OR8G1: variants seen among roughly 807,000 people sequenced by gnomAD.
OR8G1 encodes the protein olfactory receptor 8G1.
For missense variants in OR8G1, 372 were observed against 356.2 expected (o/e 1.04, Z -0.36); for synonymous variants, 129 against 133.3 (o/e 0.97, Z 0.22).
At position 124,250,000 on chromosome 11, in the gene OR8G1, A is replaced by G. The variant is rs779371563; in HGVS notation, c.325A>G (p.Ile109Val). Reference sequence around the variant, plus strand: ...GCTCTACTTCTTCCTCGTTTTTGCTATTGCAGAGTGTCACATGTTGGCTGC... The same window carrying G: ...GCTCTACTTCTTCCTCGTTTTTGCTGTTGCAGAGTGTCACATGTTGGCTGC... ...TQLYFFLVFA[I>V]AECHMLAAMA... Residue 109 changes from isoleucine (I) to valine (V), a missense_variant, in exon 3 of 3, where the codon ATT (isoleucine) becomes GTT (valine). Coordinates refer to ENST00000641972, the MANE Select transcript of OR8G1 (RefSeq NM_001002905.2). The G allele has an allele frequency of 5.0e-6, 8 of 1,613,800 alleles. No homozygotes were observed. Among genetic ancestry groups the G allele is most frequent in the Admixed American group, 3.3e-5 (2 of 59,966 alleles).
rs1472822733 is a variant in OR8G1 at position 124,252,791 on chromosome 11, C to A, written c.*2180C>A. 6.6e-6 allele frequency: 1 copy of A among 152,184 alleles called. No individual in the cohort carries two copies. The highest frequency in any genetic ancestry group is 1.5e-5 in the Non-Finnish European group (1 of 68,036). The allele number at this position is 152,184 out of a possible 1,614,324, so 9.4% of individuals were successfully genotyped here. A position where few individuals can be genotyped will look rare whatever the true frequency, so the allele number is the denominator to read the frequency against. Reference sequence around the variant, plus strand: ...TTCCAGCAAGTGCTTTGCACTTTCACTCTGGAAACTTCTCCACAATTTCAG... The same window carrying A: ...TTCCAGCAAGTGCTTTGCACTTTCAATCTGGAAACTTCTCCACAATTTCAG... On this transcript the variant is annotated 3_prime_UTR_variant, in exon 3 of 3. Coordinates refer to ENST00000641972, the MANE Select transcript of OR8G1 (RefSeq NM_001002905.2).
In OR8G1 at chr11:124,249,656, G is replaced by A; in HGVS notation, c.-16-4G>A. On this transcript the variant is annotated splice_polypyrimidine_tract_variant and splice_region_variant and intron_variant, in intron 2 of 2. Coordinates refer to ENST00000641972, the MANE Select transcript of OR8G1 (RefSeq NM_001002905.2). ...TTTTTGTTTTGTTTTTTCTCTTCCT[G>A]CAGAAACTGACTGGAGGAGATGTCA... The A allele has an allele frequency of 6.2e-7, 1 of 1,600,862 alleles. No homozygotes were observed. The highest frequency in any genetic ancestry group is 1.3e-5 in the African/African-American group (1 of 74,296).
chr11:124,252,477 T>C lies in OR8G1; in HGVS notation c.*1866T>C, dbSNP rs1861874800. 1 of 152,172 alleles carries C rather than the reference T, an allele frequency of 6.6e-6. No individual in the cohort carries two copies. Among genetic ancestry groups the C allele is most frequent in the African/African-American group, 2.4e-5 (1 of 41,438 alleles). The allele number at this position is 152,172 out of a possible 1,614,324, so 9.4% of individuals were successfully genotyped here. On this transcript the variant is annotated 3_prime_UTR_variant, in exon 3 of 3. Coordinates refer to ENST00000641972, the MANE Select transcript of OR8G1 (RefSeq NM_001002905.2). ...TTACTTTTCCATATCATCCTTATGT[T>C]CTCTTTCAGAAAAACTATCTCTTTT...
At position 124,252,049 on chromosome 11, in the gene OR8G1, C is replaced by T. The variant is rs1021277768; in HGVS notation, c.*1438C>T. On this transcript the variant is annotated 3_prime_UTR_variant, in exon 3 of 3. Coordinates refer to ENST00000641972, the MANE Select transcript of OR8G1 (RefSeq NM_001002905.2). Reference sequence around the variant, plus strand: ...TATTTAATCACAGGCTCCTGGATATCGAAACTATAGTTTGTCCATCCTTTT... The same window carrying T: ...TATTTAATCACAGGCTCCTGGATATTGAAACTATAGTTTGTCCATCCTTTT... 4.6e-5 allele frequency: 7 copies of T among 152,058 alleles called. No individual in the cohort carries two copies. In the South Asian group the frequency reaches 8.3e-4, roughly 18 times the overall value. 9.4% of individuals were successfully genotyped at this position (152,058 alleles called of 1,614,324 possible).
At chr11:124,243,445 A>G (rs921397951) in intron 1 of OR8G1, among the ~76,000 whole-genome samples, 1 of 151,940 alleles carries the variant, frequency 6.6e-6, no homozygotes, top group Non-Finnish European at 1.5e-5. Flanking sequence ...CGTTCGGGAA[A>G]CCATTCAAAA....
Position 124,249,881 on chromosome 11 carries a change from T to A in OR8G1, c.206T>A (p.Ile69Asn), listed in dbSNP as rs1284835378. ...MYYFLSSLSF[I>N]DFCHSTVITP... ...TATTTCCTCAGCAGTCTGTCCTTCA[T>A]TGACTTCTGCCATTCCACTGTCATT... The change falls in exon 3 of 3, where the codon ATT (isoleucine) becomes AAT (asparagine). Residue 69 changes from isoleucine (I) to asparagine (N), a missense_variant. By Grantham distance (149) the Ile-to-Asn change is moderately radical. Transcript: ENST00000641972. The A allele has an allele frequency of 1.2e-6, 2 of 1,614,098 alleles. No homozygotes were observed. Among genetic ancestry groups the A allele is most frequent in the Non-Finnish European group, 1.7e-6 (2 of 1,179,998 alleles).
In OR8G1 at chr11:124,251,602, A is replaced by C; in HGVS notation, c.*991A>C. 1 of 253,520 alleles carries C rather than the reference A, an allele frequency of 3.9e-6. No individual in the cohort carries two copies. Among genetic ancestry groups the C allele is most frequent in the African/African-American group, 2.2e-5 (1 of 45,970 alleles). 15.7% of individuals were successfully genotyped at this position (253,520 alleles called of 1,614,324 possible). ...ATTTTTTAAGTCATTAAACCCTCTC[A>C]ACAACCAAGGAGTCCCTAAAGCAAT... On this transcript the variant is annotated 3_prime_UTR_variant, in exon 3 of 3. Coordinates refer to ENST00000641972, the MANE Select transcript of OR8G1 (RefSeq NM_001002905.2).
chr11:124,249,626 G>A (rs181862385), intron 2 of OR8G1, 34 bp from the exon 3 acceptor site: 5 of 1,544,980 alleles, frequency 3.2e-6, no homozygotes, highest in South Asian at 2.5e-5. Context: ...CACAACCATG[G>A]GGTTTTTTTG....
At chr11:124,243,423 T>C (rs1861778988) in intron 1 of OR8G1, among the ~76,000 whole-genome samples, 1 of 151,996 alleles carries the variant, frequency 6.6e-6, no homozygotes, top group African/African-American at 2.4e-5. Context: ...TATAACAGAA[T>C]AGCTCTGAAT....
rs1861886857 is a variant in OR8G1, at chr11:124,253,947, A to T, written c.*3336A>T. On this transcript the variant is annotated 3_prime_UTR_variant, in exon 3 of 3. Coordinates refer to ENST00000641972, the MANE Select transcript of OR8G1 (RefSeq NM_001002905.2). ...TTTGTTTATCCATTCTTCCTAAGCG[A>T]TGGACACCTAGGTTAATCTATATCT... The T allele has an allele frequency of 6.6e-6, 1 of 152,204 alleles. No individual in the cohort carries two copies. The highest frequency in any genetic ancestry group is 1.5e-5 in the Non-Finnish European group (1 of 68,028). 9.4% of individuals were successfully genotyped at this position (152,204 alleles called of 1,614,324 possible).
intron 1 of OR8G1, among the ~76,000 whole-genome samples, chr11:124,247,048 T>G (rs1486132485): frequency 2.0e-5 from 3 of 151,708 alleles, no homozygotes; most frequent in Admixed American, 6.6e-5. Flanking sequence ...ATTTATAACT[T>G]ATATGTACAC....
chr11:124,248,600 G>A (rs11219534), intron 2 of OR8G1, among the ~76,000 whole-genome samples: 56,924 of 151,626 alleles, frequency 0.38, 10,859 homozygotes, highest in East Asian at 0.47. Context: ...AAGCCATTTG[G>A]AATTTTACTT....
rs535344082 is a variant in OR8G1, at chr11:124,253,385, T to C, written c.*2774T>C. 3 of 152,078 alleles carry C rather than the reference T, an allele frequency of 2.0e-5. No homozygotes were observed. In the East Asian group the frequency reaches 5.8e-4, roughly 29 times the overall value. 9.4% of individuals were successfully genotyped at this position (152,078 alleles called of 1,614,324 possible). A position where few individuals can be genotyped will look rare whatever the true frequency, so the allele number is the denominator to read the frequency against. On this transcript the variant is annotated 3_prime_UTR_variant, in exon 3 of 3. Transcript: ENST00000641972. ...GCAGTGAGCCTTGATTGTGCCACTG[T>C]ACGTCAGCCTGGGCGACAGAGAGAG...
Position 124,249,865 on chromosome 11 carries a change from A to G in OR8G1, c.190A>G (p.Ser64Gly), listed in dbSNP as rs1178834514. ...GCACACCCCTATGTACTATTTCCTCAGCAGTCTGTCCTTCATTGACTTCTG... is the reference window on the plus strand; with the variant it reads ...GCACACCCCTATGTACTATTTCCTCGGCAGTCTGTCCTTCATTGACTTCTG... The part of the protein sequence containing the change: ...HLHTPMYYFL[S>G]SLSFIDFCHS... Residue 64 changes from serine (S) to glycine (G), a missense_variant, in exon 3 of 3, where the codon AGC becomes GGC. Coordinates refer to ENST00000641972, the MANE Select transcript of OR8G1 (RefSeq NM_001002905.2). 1.2e-5 allele frequency: 20 copies of G among 1,613,720 alleles called. No individual in the cohort carries two copies. Among genetic ancestry groups the G allele is most frequent in the Non-Finnish European group, 1.5e-5 (18 of 1,179,986 alleles).
chr11:124,245,165 T>C, intron 1 of OR8G1, among the ~76,000 whole-genome samples: 1 of 121,882 alleles, frequency 8.2e-6, no homozygotes, highest in African/African-American at 2.9e-5. Context: ...CCCTCCCCCC[T>C]CCCCCCACCC....
At chr11:124,246,905 A>G (rs903988124) in intron 1 of OR8G1, among the ~76,000 whole-genome samples, 2 of 150,566 alleles carry the variant, frequency 1.3e-5, no homozygotes, top group African/African-American at 4.8e-5. Context: ...AATGATAACA[A>G]TTCACTTCTG....
rs765523909 is a variant in OR8G1, at chr11:124,250,081, A to G, written c.406A>G (p.Ile136Val). 1.9e-6 allele frequency: 3 copies of G among 1,613,766 alleles called. No homozygotes were observed. The highest frequency in any genetic ancestry group is 4.5e-5 in the East Asian group (2 of 44,868). The stretch of plus-strand genomic sequence containing the variant: ...TAGCCCCTTGCTGTACAGTGTCATC[A>G]TATCCAATAAGGCTTGCTTTTCTCT... ...ICSPLLYSVI[I>V]SNKACFSLIL... The change falls in exon 3 of 3, where the codon ATA (isoleucine) becomes GTA (valine). Residue 136 changes from isoleucine (I) to valine (V), a missense_variant. Ile to Val is a conservative substitution (Grantham distance 29). Transcript: ENST00000641972.
rs775909909 is a variant in OR8G1, at chr11:124,249,904, A to G, written c.229A>G (p.Ile77Val). Residue 77 changes from isoleucine (I) to valine (V), a missense_variant, in exon 3 of 3, where the codon ATT (isoleucine) becomes GTT (valine). Coordinates refer to ENST00000641972, the MANE Select transcript of OR8G1 (RefSeq NM_001002905.2). The stretch of plus-strand genomic sequence containing the variant: ...CATTGACTTCTGCCATTCCACTGTC[A>G]TTACCCCTAAGATGCTGGTGAACTT... ...SFIDFCHSTV[I>V]TPKMLVNFVT... 1 of 1,613,832 alleles carries G rather than the reference A, an allele frequency of 6.2e-7. No homozygotes were observed. Among genetic ancestry groups the G allele is most frequent in the African/African-American group, 1.3e-5 (1 of 74,868 alleles).
At chr11:124,246,393 A>G (rs1035299381) in intron 1 of OR8G1, among the ~76,000 whole-genome samples, 1 of 151,984 alleles carries the variant, frequency 6.6e-6, no homozygotes, top group Admixed American at 6.6e-5. Flanking sequence ...AAAGATACCT[A>G]AAGATCAAAT....
Sources: gnomAD v4.1 joint callset for allele counts (sites outside exome capture counted in the v4.1 genomes callset) on GRCh38, gnomAD v4.1.1 for gene constraint, MANE v1.5 for transcripts, NCBI Gene and HGNC (gene_info 2026-07-23, HGNC 2026-07-21) for gene names.